TMOD3: variants seen among roughly 807,000 people sequenced by gnomAD.
TMOD3 encodes the protein tropomodulin-3.
TMOD3 carries 20 observed loss-of-function variants against 39.2 expected under a neutral mutation model. That is an observed-to-expected ratio of 0.51 (90% confidence interval 0.36 to 0.74). The LOEUF is 0.74. TMOD3 is among the 30% of genes least tolerant of loss of function. The pLI is 0.00. For missense variants in TMOD3, 381 were observed against 412.8 expected (o/e 0.92, Z 0.67); for synonymous variants, 143 against 145.8 (o/e 0.98, Z 0.14).
At position 51,879,856 on chromosome 15, in the gene TMOD3, T is replaced by TCACACACACACACACACA. The variant is rs68117829; in HGVS notation, c.284-7717_284-7700dup. On this transcript the variant is annotated intron_variant, in intron 3 of 9. Transcript: ENST00000308580. ...CAATCTCTTTCTCTCTCTCTGTCTT[T>TCACACACACACACACACA]CACACACACACACACACACACACAC... 6.9e-3 allele frequency among the ~76,000 whole-genome samples: 985 copies of TCACACACACACACACACA among 142,610 alleles called. 6 individuals carry two copies. Among genetic ancestry groups the TCACACACACACACACACA allele is most frequent in the Middle Eastern group, 0.011 (3 of 282 alleles). The allele number at this position is 142,610 out of a possible 152,430, so 93.6% of individuals were successfully genotyped here.
intron 1 of TMOD3, among the ~76,000 whole-genome samples, chr15:51,844,192 A>G (rs2056325393): frequency 6.6e-6 from 1 of 152,144 alleles, no homozygotes; most frequent in African/African-American, 2.4e-5. Flanking sequence ...TCAGCTAACT[A>G]GTTTATCTCT....
chr15:51,839,849 G>A (rs2056304796), intron 1 of TMOD3, among the ~76,000 whole-genome samples: 1 of 152,126 alleles, frequency 6.6e-6, no homozygotes, highest in South Asian at 2.1e-4. Context: ...TCTCAGTTCA[G>A]AAAGAATAGG....
chr15:51,910,751 T>G lies in TMOD3; in HGVS notation c.*1941T>G, dbSNP rs920770536. ...AACTGTGGTGTTTCTCTTTTTTTTT[T>G]TTTGTTTTGGTTTGTTTTGGTTTTT... is the stretch of plus-strand genomic sequence containing the variant. On this transcript the variant is annotated 3_prime_UTR_variant, in exon 10 of 10. Transcript: ENST00000308580. 3 of 151,952 alleles carry G rather than the reference T, an allele frequency of 2.0e-5. No homozygotes were observed. The highest frequency in any genetic ancestry group is 6.6e-5 in the Admixed American group (1 of 15,226). The allele number at this position is 151,952 out of a possible 1,614,324, so 9.4% of individuals were successfully genotyped here.
chr15:51,858,778 G>A (rs541633496), intron 1 of TMOD3, among the ~76,000 whole-genome samples: 5 of 152,278 alleles, frequency 3.3e-5, no homozygotes, highest in East Asian at 1.9e-4. Context: ...AAACCCAGTC[G>A]TATGCTTTCC....
chr15:51,877,830 G>C (rs1438857019), intron 3 of TMOD3, among the ~76,000 whole-genome samples: 1 of 152,160 alleles, frequency 6.6e-6, no homozygotes, highest in Non-Finnish European at 1.5e-5. Flanking sequence ...CTGGCTGGTG[G>C]GAACAGGTTC....
At chr15:51,856,914 C>T (rs901934288) in intron 1 of TMOD3, among the ~76,000 whole-genome samples, 3 of 152,092 alleles carry the variant, frequency 2.0e-5, no homozygotes, top group Non-Finnish European at 4.4e-5. Context: ...CAATTCCATT[C>T]CTAGATTTGA....
chr15:51,910,982 TCTC>T lies in TMOD3; in HGVS notation c.*2176_*2178del, dbSNP rs1473569000. On this transcript the variant is annotated 3_prime_UTR_variant, in exon 10 of 10. Coordinates refer to ENST00000308580, the MANE Select transcript of TMOD3 (RefSeq NM_014547.5). ...TACCTATTTCTCTCCCTCCCTCTCT[TCTC>T]CTCTCTTTTTTTTTCCCCGCATATG... 7.1e-6 allele frequency: 1 copy of T among 140,380 alleles called. No individual in the cohort carries two copies. The highest frequency in any genetic ancestry group is 2.6e-5 in the African/African-American group (1 of 39,124). 8.7% of individuals were successfully genotyped at this position (140,380 alleles called of 1,614,324 possible).
chr15:51,838,482 C>T (rs773201733), intron 1 of TMOD3, among the ~76,000 whole-genome samples: 1 of 152,102 alleles, frequency 6.6e-6, no homozygotes, highest in Non-Finnish European at 1.5e-5. Flanking sequence ...TATTGTAAGG[C>T]TGCTGAGGTC....
In TMOD3 at chr15:51,829,756, C is replaced by G. The variant is rs987702273; in HGVS notation, c.-155C>G. On this transcript the variant is annotated 5_prime_UTR_variant, in exon 1 of 10. Coordinates refer to ENST00000308580, the MANE Select transcript of TMOD3 (RefSeq NM_014547.5). ...GCCGACGCGGGCGGACCGGCGGGTG[C>G]TGGGAACCGAGCCTCGGCTTGCGGC... 1 of 152,638 alleles carries G rather than the reference C, an allele frequency of 6.6e-6. No individual in the cohort carries two copies. The highest frequency in any genetic ancestry group is 2.4e-5 in the African/African-American group (1 of 41,444). The allele number at this position is 152,638 out of a possible 1,614,324, so 9.5% of individuals were successfully genotyped here.
chr15:51,884,127 T>C (rs867195517), intron 3 of TMOD3, among the ~76,000 whole-genome samples: 3 of 152,212 alleles, frequency 2.0e-5, no homozygotes, highest in Middle Eastern at 3.2e-3. Flanking sequence ...GCCCTGGCCT[T>C]AAGAGTTTGG....
In TMOD3 at chr15:51,902,141, C is replaced by T. The variant is rs1056953406; in HGVS notation, c.1024+105C>T. 18 of 1,367,462 alleles carry T rather than the reference C, an allele frequency of 1.3e-5. No homozygotes were observed. In the Admixed American group the frequency reaches 2.9e-4, roughly 22 times the overall value. 84.7% of individuals were successfully genotyped at this position (1,367,462 alleles called of 1,614,324 possible). A position where few individuals can be genotyped will look rare whatever the true frequency, so the allele number is the denominator to read the frequency against. On this transcript the variant is annotated intron_variant, in intron 9 of 9. Coordinates refer to ENST00000308580, the MANE Select transcript of TMOD3 (RefSeq NM_014547.5). ...AAATTCTAACAGAGAAGTTATTTGG[C>T]CTTTGTTTCTAAAATCTGCATGGTC...
At chr15:51,843,601 C>G (rs2056322543) in intron 1 of TMOD3, among the ~76,000 whole-genome samples, 1 of 152,140 alleles carries the variant, frequency 6.6e-6, no homozygotes, top group Admixed American at 6.5e-5. Context: ...TTTTTTACTT[C>G]CTCTTTTTAT....
chr15:51,901,942 G>C lies in TMOD3; in HGVS notation c.930G>C (p.Glu310Asp). ...AATTGGAAATGGCCAAGATGCTTGA[G>C]GAAAATACAAATATCCTTAAATTTG... ...AVELEMAKML[E>D]ENTNILKFGY... Residue 310 changes from glutamate to aspartate, a missense_variant, in exon 9 of 10, where the codon GAG (glutamate) becomes GAC (aspartate). Physicochemically the swap from Glu to Asp is conservative, Grantham distance 45. Transcript: ENST00000308580. The C allele has an allele frequency of 6.2e-7, 1 of 1,614,072 alleles. No homozygotes were observed. Among genetic ancestry groups the C allele is most frequent in the South Asian group, 1.1e-5 (1 of 91,080 alleles).
intron 1 of TMOD3, among the ~76,000 whole-genome samples, chr15:51,853,447 C>G (rs8040991): frequency 0.42 from 64,029 of 152,042 alleles, 13,692 homozygotes; most frequent in Admixed American, 0.52. Flanking sequence ...GCGATCCTCC[C>G]TCCTTGGCTT....
At chr15:51,895,344 T>C (rs1203141484) in intron 6 of TMOD3, among the ~76,000 whole-genome samples, 1 of 151,830 alleles carries the variant, frequency 6.6e-6, no homozygotes, top group Non-Finnish European at 1.5e-5. Context: ...CTCAGCCTCC[T>C]GAATACCTGG....
chr15:51,852,363 A>C (rs1004973294), intron 1 of TMOD3, among the ~76,000 whole-genome samples: 5 of 152,264 alleles, frequency 3.3e-5, no homozygotes, highest in Non-Finnish European at 5.9e-5. Flanking sequence ...GAAGGCCTCC[A>C]GCACCTGAAG....
chr15:51,883,204 A>G (rs565856967), intron 3 of TMOD3, among the ~76,000 whole-genome samples: 2 of 152,314 alleles, frequency 1.3e-5, no homozygotes, highest in African/African-American at 2.4e-5. Flanking sequence ...GCAAAATTCT[A>G]TATGACAGAA....
chr15:51,896,407 T>C lies in TMOD3; in HGVS notation c.628-12T>C, dbSNP rs750770426. On this transcript the variant is annotated splice_polypyrimidine_tract_variant and intron_variant, in intron 6 of 9. Transcript: ENST00000308580. Reference sequence around the variant, plus strand: ...TGAAATGTAATGATGTTTTATGTTATTGTCTTTCAAGAATATCCCAATTCC... The same window carrying C: ...TGAAATGTAATGATGTTTTATGTTACTGTCTTTCAAGAATATCCCAATTCC... The C allele has an allele frequency of 3.9e-6, 6 of 1,556,738 alleles. No individual in the cohort carries two copies. Among genetic ancestry groups the C allele is most frequent in the South Asian group, 2.3e-5 (2 of 88,292 alleles).
At chr15:51,907,586 C>A (rs1315889812) in intron 9 of TMOD3, among the ~76,000 whole-genome samples, 3 of 152,202 alleles carry the variant, frequency 2.0e-5, no homozygotes, top group Non-Finnish European at 4.4e-5. Flanking sequence ...GCTTCTAGTT[C>A]CTCTGTCAAA....
Sources: gnomAD v4.1 joint callset for allele counts (sites outside exome capture counted in the v4.1 genomes callset) on GRCh38, gnomAD v4.1.1 for gene constraint, MANE v1.5 for transcripts, NCBI Gene and HGNC (gene_info 2026-07-23, HGNC 2026-07-21) for gene names.